The following MFSD11 variants were observed in gnomAD, a reference collection of about 807,000 sequenced individuals.
MFSD11 encodes the protein major facilitator superfamily domain containing 11, also known as UNC93-like protein MFSD11.
A neutral mutation model predicts 53.5 loss-of-function variants in MFSD11; 36 were observed. The observed-to-expected ratio is 0.67, with a 90% confidence interval of 0.52 to 0.89. MFSD11 has a LOEUF of 0.89. Among genes scored for constraint, MFSD11 ranks in the 40% least tolerant of loss-of-function variants. The pLI is 0.00. For missense variants in MFSD11, 530 were observed against 543.9 expected (o/e 0.97, Z 0.25); for synonymous variants, 186 against 184.9 (o/e 1.01, Z -0.05).
intron 8 of MFSD11, among the ~76,000 whole-genome samples, chr17:76,761,015 C>A (rs1598656874): frequency 6.6e-6 from 1 of 151,970 alleles, no homozygotes; most frequent in Non-Finnish European, 1.5e-5. Flanking sequence ...ACCAGCCTAG[C>A]CAACATGGCA....
At chr17:76,756,015 G>A (rs1318208597) in intron 8 of MFSD11, among the ~76,000 whole-genome samples, 1 of 149,742 alleles carries the variant, frequency 6.7e-6, no homozygotes, top group East Asian at 2.0e-4. Context: ...GTAGAGATGG[G>A]ATTTCTCCAC....
chr17:76,742,781 G>A (rs2078217069), intron 5 of MFSD11, among the ~76,000 whole-genome samples: 1 of 152,150 alleles, frequency 6.6e-6, no homozygotes, highest in African/African-American at 2.4e-5. Context: ...TGGGATTACA[G>A]GCGTGAACCA....
At chr17:76,744,264 A>T in intron 6 of MFSD11, 58 bp from the exon 7 acceptor site, 1 of 1,532,546 alleles carries the variant, frequency 6.5e-7, no homozygotes, top group Non-Finnish European at 8.8e-7. Context: ...TTGTACCGTG[A>T]TACTAATTCT....
Position 76,776,470 on chromosome 17 carries a change from C to A in MFSD11, c.1114C>A (p.Leu372Met). The A allele has an allele frequency of 6.2e-7, 1 of 1,614,122 alleles. No homozygotes were observed. Among genetic ancestry groups the A allele is most frequent in the Non-Finnish European group, 8.5e-7 (1 of 1,180,000 alleles). The change falls in exon 12 of 13, where the codon CTG becomes ATG. Residue 372 changes from leucine to methionine, a missense_variant. Physicochemically the swap from Leu to Met is conservative, Grantham distance 15. Coordinates refer to ENST00000685175, the MANE Select transcript of MFSD11 (RefSeq NM_001242532.5). The surrounding 1 kb of genome is among the most constrained non-coding windows in gnomAD (Gnocchi z 4.2). ...GLGDSCFNTQ[L>M]LSILGFLYSE... is the part of the protein sequence containing the mutation. ...TGGAGACAGCTGCTTTAATACCCAG[C>A]TGCTTAGTATCTTGGGCTTTCTGTA...
At chr17:76,754,124 C>T (rs1446704328) in intron 8 of MFSD11, 37 bp downstream of exon 8, 1 of 1,440,674 alleles carries the variant, frequency 6.9e-7, no homozygotes, top group Admixed American at 2.2e-5. Flanking sequence ...AAGAACTGTT[C>T]AGGAACAACT....
chr17:76,799,002 A>AG, the MFSD11 span: 1 of 140,832 alleles, frequency 7.1e-6, no homozygotes, highest in Non-Finnish European at 1.5e-5. Flanking sequence ...ACTCCAGCCT[A>AG]GGCAACAAGA....
chr17:76,771,167 C>T (rs1417805969), intron 10 of MFSD11, among the ~76,000 whole-genome samples: 2 of 152,218 alleles, frequency 1.3e-5, no homozygotes, highest in Non-Finnish European at 2.9e-5. Flanking sequence ...TGGGAACCAG[C>T]CTCATCCTGA....
chr17:76,782,739 A>C (rs1411579540), downstream of MFSD11, among the ~76,000 whole-genome samples: 4 of 151,486 alleles, frequency 2.6e-5, no homozygotes, highest in East Asian at 7.8e-4. Context: ...CAGCTTCCCA[A>C]AGTGCCGGGA....
the MFSD11 span, among the ~76,000 whole-genome samples, chr17:76,801,067 C>T: frequency 6.7e-6 from 1 of 149,624 alleles, no homozygotes; most frequent in African/African-American, 2.5e-5. Context: ...CAGAGGGAGA[C>T]TCGGTCTGAA....
rs190393175 is a variant in MFSD11 at position 76,754,411 on chromosome 17, A to G, written c.682+324A>G. On this transcript the variant is annotated intron_variant, in intron 8 of 12. Transcript: ENST00000685175. ...TTAAGAGCAGATTGTGGCTGCGCGC[A>G]GTGACTCGCGCCTGTAATCTCAGCA... is the stretch of plus-strand genomic sequence containing the variant. Among the ~76,000 whole-genome samples the G allele has an allele frequency of 9.9e-5, 15 of 152,262 alleles. No homozygotes were observed. In the East Asian group the frequency reaches 2.5e-3, roughly 25 times the overall value.
intron 8 of MFSD11, among the ~76,000 whole-genome samples, chr17:76,760,524 TTTC>T (rs1361862391): frequency 6.8e-6 from 1 of 146,702 alleles, no homozygotes; most frequent in African/African-American, 2.7e-5. Context: ...AGCAGTTTTC[TTTC>T]TTTTTTTTTT....
chr17:76,742,100 AG>A (rs780539757), intron 4 of MFSD11, 52 bp downstream of exon 4: 28 of 1,613,748 alleles, frequency 1.7e-5, no homozygotes, highest in Non-Finnish European at 2.1e-5. Context: ...GGCCTATCTA[AG>A]GGTATTATTT....
Position 76,776,635 on chromosome 17 carries a change from TTTTA to T in MFSD11, c.1185+106_1185+109del, listed in dbSNP as rs1243554546. The T allele has an allele frequency of 1.1e-5, 13 of 1,189,332 alleles. No homozygotes were observed. The highest frequency in any genetic ancestry group is 2.7e-4 in the Middle Eastern group (1 of 3,712). 73.7% of individuals were successfully genotyped at this position (1,189,332 alleles called of 1,614,324 possible). A position where few individuals can be genotyped will look rare whatever the true frequency, so the allele number is the denominator to read the frequency against. The stretch of plus-strand genomic sequence containing the variant: ...TGGTTACTTGTATTGTGGTTTTAAT[TTTTA>T]TTTATTTATTTTTATTTTTTTGATA... On this transcript the variant is annotated intron_variant, in intron 12 of 12. Coordinates refer to ENST00000685175, the MANE Select transcript of MFSD11 (RefSeq NM_001242532.5). The surrounding 1 kb of genome is among the most constrained non-coding windows in gnomAD (Gnocchi z 4.2).
At chr17:76,772,796 A>G (rs1424609474) in intron 10 of MFSD11, among the ~76,000 whole-genome samples, 1 of 152,156 alleles carries the variant, frequency 6.6e-6, no homozygotes, top group Admixed American at 6.5e-5. Flanking sequence ...AATTACAGGC[A>G]TGAGCCACTG....
chr17:76,766,296 A>C (rs180795907), intron 8 of MFSD11, among the ~76,000 whole-genome samples: 25 of 151,602 alleles, frequency 1.6e-4, no homozygotes, highest in African/African-American at 5.6e-4. Flanking sequence ...GTATGGGCCT[A>C]TAATCCCAGC....
At chr17:76,746,931 CAA>C (rs2078600102) in intron 7 of MFSD11, among the ~76,000 whole-genome samples, 1 of 150,654 alleles carries the variant, frequency 6.6e-6, no homozygotes, top group South Asian at 2.1e-4. Context: ...TTTTTTGAGA[CAA>C]AGTCTTGCTC....
intron 7 of MFSD11, among the ~76,000 whole-genome samples, chr17:76,752,153 G>C (rs16969259): frequency 0.018 from 2,735 of 152,256 alleles, 88 homozygotes; most frequent in African/African-American, 0.063. Flanking sequence ...TATAGCTCAG[G>C]CGTGTTGTTG....
intron 10 of MFSD11, among the ~76,000 whole-genome samples, 173 bp from the exon 11 acceptor site, chr17:76,774,824 A>G (rs750147620): frequency 1.2e-4 from 19 of 152,188 alleles, no homozygotes; most frequent in Non-Finnish European, 1.9e-4. Flanking sequence ...TTTTTGTTCT[A>G]ATAGTTGATG....
chr17:76,741,592 C>T (rs1351689852), intron 3 of MFSD11, among the ~76,000 whole-genome samples: 1 of 152,092 alleles, frequency 6.6e-6, no homozygotes, highest in African/African-American at 2.4e-5. Flanking sequence ...CGAGACCAGC[C>T]TGGGCAACAT....
Sources: gnomAD v4.1 joint callset for allele counts (sites outside exome capture counted in the v4.1 genomes callset) on GRCh38, gnomAD v4.1.1 for gene constraint, Gnocchi (gnomAD v3.1) non-coding constraint, MANE v1.5 for transcripts, NCBI Gene and HGNC (gene_info 2026-07-23, HGNC 2026-07-21) for gene names.